CYC1: variants seen among roughly 807,000 people sequenced by gnomAD.
CYC1 encodes the protein cytochrome c1, heme protein, mitochondrial.
CYC1 carries 10 observed loss-of-function variants against 33.8 expected under a neutral mutation model. That is an observed-to-expected ratio of 0.30 (90% CI 0.18 to 0.50). The LOEUF is 0.50. Ranked by LOEUF, CYC1 falls within the 20% of genes least tolerant of loss-of-function variation. CYC1 has a pLI of 0.98. For synonymous variants in CYC1, 224 were observed against 181.9 expected, an observed-to-expected ratio of 1.23 and a Z score of -1.86; for missense variants, 459 against 437.6, an observed-to-expected ratio of 1.05 and a Z score of -0.44.
At position 144,095,469 on chromosome 8, in the gene CYC1, G is replaced by C. The variant is rs1486430283; in HGVS notation, c.129+241G>C. On this transcript the variant is annotated intron_variant, in intron 1 of 6. Coordinates refer to ENST00000318911, the MANE Select transcript of CYC1 (RefSeq NM_001916.5). ...GCGGGACGGGCTAGCTGCCGTGGCG[G>C]GGCTGGGGCTTTCCCGAATGGCGCG... The C allele has an allele frequency of 5.3e-5, 23 of 433,364 alleles. No homozygotes were observed. In the South Asian group the frequency reaches 1.1e-3, roughly 21 times the overall value. 26.8% of individuals were successfully genotyped at this position (433,364 alleles called of 1,614,324 possible). A position where few individuals can be genotyped will look rare whatever the true frequency, so the allele number is the denominator to read the frequency against.
Position 144,096,762 on chromosome 8 carries a change from TGG to T in CYC1, c.772+19_772+20del, listed in dbSNP as rs200379271. The T allele has an allele frequency of 0.91, 1,449,671 of 1,600,656 alleles. 658,992 individuals carry two copies. The highest frequency in any genetic ancestry group is 1 in the East Asian group (44,595 of 44,780). On this transcript the variant is annotated intron_variant, in intron 5 of 6. Transcript: ENST00000318911. The stretch of plus-strand genomic sequence containing the variant: ...TGACGATGGTAAGAGGCCTCCAGTC[TGG>T]CAGTGGGCATGTGGAATACTTCTCC...
Sources: gnomAD v4.1 joint callset for allele counts on GRCh38, gnomAD v4.1.1 for gene constraint, MANE v1.5 for transcripts, NCBI Gene and HGNC (gene_info 2026-07-23, HGNC 2026-07-21) for gene names.